GPR158: variants seen among roughly 807,000 people sequenced by gnomAD.
GPR158 encodes the protein metabotropic glycine receptor.
A neutral mutation model predicts 78.2 loss-of-function variants in GPR158; 30 were observed. That is an observed-to-expected ratio of 0.38 (90% confidence interval 0.29 to 0.52). The LOEUF (loss-of-function observed/expected upper bound fraction) is 0.52. GPR158 is among the 20% of genes least tolerant of loss of function. GPR158 has a pLI of 0.83. For missense variants in GPR158, 1,463 were observed against 1,523.5 expected, an observed-to-expected ratio of 0.96 and a Z score of 0.66; for synonymous variants, 581 against 591.1, an observed-to-expected ratio of 0.98 and a Z score of 0.25.
At chr10:25,564,694 C>CA (rs145767905) in intron 6 of GPR158, among the ~76,000 whole-genome samples, 47,493 of 151,956 alleles carry the variant, frequency 0.31, 8,051 homozygotes, top group Non-Finnish European at 0.38. Context: ...CCATTGAGCT[C>CA]AGGAGCATGA....
chr10:25,400,578 C>T (rs1346788551), intron 3 of GPR158, among the ~76,000 whole-genome samples: 1 of 152,148 alleles, frequency 6.6e-6, no homozygotes, highest in African/African-American at 2.4e-5. Context: ...GATCTGACAT[C>T]TGGATAGTAG....
At chr10:25,442,434 G>T (rs72782132) in intron 4 of GPR158, among the ~76,000 whole-genome samples, 15,871 of 152,182 alleles carry the variant, frequency 0.1, 1,081 homozygotes, top group Non-Finnish European at 0.16. Context: ...AGGAGCAGCT[G>T]CAGTTCAGTT....
Position 25,358,564 on chromosome 10 carries a change from T to A in GPR158, c.1009-37347T>A, listed in dbSNP as rs2130529892. Among the ~76,000 whole-genome samples, 2 of 152,174 alleles carry A rather than the reference T, an allele frequency of 1.3e-5. 1 individual carries two copies. On this transcript the variant is annotated intron_variant, in intron 2 of 10. Coordinates refer to ENST00000376351, the MANE Select transcript of GPR158 (RefSeq NM_020752.3). ...AATGGGAGTTTCTCTGCACAAGCTC[T>A]TTTTACCTGCAGCCATCCATGTAAG...
At chr10:25,436,562 G>T (rs16925850) in intron 4 of GPR158, among the ~76,000 whole-genome samples, 13,561 of 152,216 alleles carry the variant, frequency 0.089, 646 homozygotes, top group East Asian at 0.13. Context: ...GCCAGAGAGG[G>T]TGGAAGGAAG....
intron 5 of GPR158, among the ~76,000 whole-genome samples, chr10:25,522,169 A>G (rs1468725838): frequency 1.3e-5 from 2 of 152,208 alleles, no homozygotes; most frequent in African/African-American, 2.4e-5. Context: ...ATGTAAGTTA[A>G]GAGTATTGAC....
chr10:25,315,362 T>A (rs1286854640), intron 2 of GPR158, among the ~76,000 whole-genome samples: 1 of 152,158 alleles, frequency 6.6e-6, no homozygotes, highest in African/African-American at 2.4e-5. Flanking sequence ...CTTAAAAAAA[T>A]CTTTGCTATG....
At chr10:25,474,912 A>G (rs1429951703) in intron 5 of GPR158, among the ~76,000 whole-genome samples, 3 of 152,138 alleles carry the variant, frequency 2.0e-5, no homozygotes, top group African/African-American at 7.2e-5. Context: ...GGCAATAAAA[A>G]CACTTTCTCA....
At chr10:25,479,167 T>C (rs1835629439) in intron 5 of GPR158, among the ~76,000 whole-genome samples, 2 of 152,230 alleles carry the variant, frequency 1.3e-5, no homozygotes, top group South Asian at 2.1e-4. Context: ...ATTAATGTAT[T>C]TTACGATAAG....
At chr10:25,188,514 C>G (rs1464910824) in intron 1 of GPR158, among the ~76,000 whole-genome samples, 2 of 152,062 alleles carry the variant, frequency 1.3e-5, no homozygotes, top group African/African-American at 4.8e-5. Flanking sequence ...ACAAACCTGA[C>G]AAAAACAACA....
At chr10:25,433,443 G>A (rs1405093858) in intron 4 of GPR158, among the ~76,000 whole-genome samples, 1 of 151,930 alleles carries the variant, frequency 6.6e-6, no homozygotes, top group Non-Finnish European at 1.5e-5. Flanking sequence ...CCTTGGCCCT[G>A]CTCTTTGGTG....
intron 4 of GPR158, among the ~76,000 whole-genome samples, chr10:25,451,140 A>C (rs1024019013): frequency 6.6e-5 from 10 of 152,162 alleles, no homozygotes; most frequent in African/African-American, 2.4e-4. Context: ...TTTTGTGCAG[A>C]TATGCACACA....
At chr10:25,563,302 C>A (rs1836882090) in intron 6 of GPR158, among the ~76,000 whole-genome samples, 1 of 151,026 alleles carries the variant, frequency 6.6e-6, no homozygotes, top group South Asian at 2.1e-4. Flanking sequence ...CATAGAATAT[C>A]ATTTGCTACC....
intron 5 of GPR158, among the ~76,000 whole-genome samples, chr10:25,502,349 A>G (rs1421809846): frequency 6.6e-6 from 1 of 152,160 alleles, no homozygotes; most frequent in Non-Finnish European, 1.5e-5. Flanking sequence ...CCCATGTGTC[A>G]AGCATTTTAC....
chr10:25,463,404 TGGA>T (rs1835382196), intron 4 of GPR158, among the ~76,000 whole-genome samples: 1 of 123,274 alleles, frequency 8.1e-6, no homozygotes, highest in African/African-American at 3.0e-5. Context: ...TCTGGATGGA[TGGA>T]TGGATGGATG....
chr10:25,298,979 A>G (rs1854554040), intron 2 of GPR158, among the ~76,000 whole-genome samples: 2 of 152,204 alleles, frequency 1.3e-5, no homozygotes, highest in South Asian at 2.1e-4. Context: ...CAATGTACAC[A>G]CAGTGCTTGT....
Position 25,598,328 on chromosome 10 carries a change from A to G in GPR158, c.2702A>G (p.Lys901Arg). 1 of 1,614,120 alleles carries G rather than the reference A, an allele frequency of 6.2e-7. No individual in the cohort carries two copies. Among genetic ancestry groups the G allele is most frequent in the South Asian group, 1.1e-5 (1 of 91,066 alleles). ...TGHPRTSMLQ[K>R]SLSVIASAKE... is the part of the protein sequence containing the mutation. ...CACCCACGAACATCGATGTTACAGAAGTCTCTCAGTGTCATAGCAAGCGCC... is the reference window on the plus strand; with the variant it reads ...CACCCACGAACATCGATGTTACAGAGGTCTCTCAGTGTCATAGCAAGCGCC... Residue 901 changes from lysine to arginine, a missense_variant, in exon 11 of 11, where the codon AAG becomes AGG. By Grantham distance (26) the Lys-to-Arg change is conservative. Coordinates refer to ENST00000376351, the MANE Select transcript of GPR158 (RefSeq NM_020752.3).
chr10:25,585,695 C>T (rs1041362650), intron 7 of GPR158, among the ~76,000 whole-genome samples: 9 of 152,270 alleles, frequency 5.9e-5, no homozygotes, highest in East Asian at 1.9e-4. Flanking sequence ...AGATTTGGAA[C>T]GGGCCAGGAG....
chr10:25,338,403 A>ATT, intron 2 of GPR158, among the ~76,000 whole-genome samples: 1 of 135,094 alleles, frequency 7.4e-6, no homozygotes, highest in African/African-American at 3.2e-5. Flanking sequence ...ATATATTATT[A>ATT]TATATAACGT....
intron 3 of GPR158, among the ~76,000 whole-genome samples, chr10:25,404,826 T>C (rs1485334249): frequency 1.3e-5 from 2 of 152,044 alleles, no homozygotes; most frequent in South Asian, 4.1e-4. Flanking sequence ...GGCATGTGGC[T>C]TTAGGAGAGA....
Sources: allele counts gnomAD v4.1 joint callset (sites outside exome capture counted in the v4.1 genomes callset), GRCh38; gene constraint gnomAD v4.1.1; transcripts MANE v1.5; gene names NCBI Gene and HGNC (gene_info 2026-07-23, HGNC 2026-07-21).